The following EGFL6 variants were observed in gnomAD, a reference collection of about 807,000 sequenced individuals.
The protein encoded by EGFL6 is epidermal growth factor-like protein 6.
In EGFL6, 42 loss-of-function variants were observed where a neutral mutation model predicts 43.1. The observed-to-expected ratio is 0.98, with a 90% CI of 0.76 to 1.26. The LOEUF (loss-of-function observed/expected upper bound fraction) is 1.26, where lower values mean the gene tolerates loss of function less well. EGFL6 is among the 50% of genes most tolerant of loss of function. EGFL6 has a pLI of 0.00. For synonymous variants in EGFL6, 164 were observed against 163.2 expected (o/e 1.01, Z -0.04); for missense variants, 429 against 427.8 (o/e 1.00, Z -0.02).
chrX:13,572,868 C>T (rs7877327), intron 1 of EGFL6, among the ~76,000 whole-genome samples: 3,768 of 111,633 alleles, frequency 0.034, 167 homozygotes, highest in African/African-American at 0.12. Context: ...TTCTGAAGAC[C>T]GGAAGTCCAT....
At chrX:13,600,637 C>T (rs2146971429) in intron 4 of EGFL6, among the ~76,000 whole-genome samples, 1 of 105,773 alleles carries the variant, frequency 9.5e-6, no homozygotes, top group East Asian at 3.0e-4. Context: ...GTGGCTCACA[C>T]CTGTAATTCC....
At chrX:13,588,194 A>G (rs2045543900) in intron 1 of EGFL6, among the ~76,000 whole-genome samples, 1 of 112,612 alleles carries the variant, frequency 8.9e-6, no homozygotes, top group Non-Finnish European at 1.9e-5. Context: ...TCATCCTCCC[A>G]TTTGGTGCTC....
chrX:13,589,450 T>C, intron 1 of EGFL6, 106 bp from the exon 2 acceptor site: 1 of 663,612 alleles, frequency 1.5e-6, no homozygotes, highest in East Asian at 3.8e-5. Flanking sequence ...GCGGGTTCGT[T>C]GAAATTAACC....
At chrX:13,579,828 T>C (rs995631585) in intron 1 of EGFL6, among the ~76,000 whole-genome samples, 1 of 110,926 alleles carries the variant, frequency 9.0e-6, no homozygotes, top group African/African-American at 3.3e-5. Context: ...GACGGCGTAC[T>C]CACATGGCTG....
chrX:13,609,085 A>G (rs1429473407), intron 7 of EGFL6, among the ~76,000 whole-genome samples: 1 of 112,663 alleles, frequency 8.9e-6, no homozygotes, highest in Non-Finnish European at 1.9e-5. Context: ...TAATAACTAC[A>G]GCAACAATAA....
rs942334000 is a variant in EGFL6 at position 13,578,797 on chromosome X, G to A, written c.74+8862G>A. Among the ~76,000 whole-genome samples the A allele has an allele frequency of 1.7e-4, 18 of 107,863 alleles. 1 individual carries two copies. The highest frequency in any genetic ancestry group is 5.4e-4 in the African/African-American group (15 of 27,793). The allele number at this position is 107,863 out of a possible 115,157, so 93.7% of individuals were successfully genotyped here. A position where few individuals can be genotyped will look rare whatever the true frequency, so the allele number is the denominator to read the frequency against. ...CCTGTCGTGGGGTGGGGGCAGCGGG[G>A]AGGGATAGCATTGGTAGATATACCT... On this transcript the variant is annotated intron_variant, in intron 1 of 11. Coordinates refer to ENST00000361306, the MANE Select transcript of EGFL6 (RefSeq NM_015507.4).
chrX:13,627,386 A>T, intron 11 of EGFL6, 110 bp downstream of exon 11: 1 of 1,004,598 alleles, frequency 1.0e-6, no homozygotes, highest in East Asian at 3.1e-5. Flanking sequence ...TACAACGATA[A>T]GACTTTTTCC....
intron 8 of EGFL6, 75 bp from the exon 9 acceptor site, chrX:13,619,088 G>C: frequency 1.3e-6 from 1 of 777,446 alleles, no homozygotes; most frequent in South Asian, 2.2e-5. Context: ...TTCTTTGTTT[G>C]GTCATTTGAT....
At chrX:13,592,864 G>C (rs1019959517) in intron 2 of EGFL6, among the ~76,000 whole-genome samples, 5 of 79,966 alleles carry the variant, frequency 6.3e-5, no homozygotes, top group Admixed American at 1.5e-4. Context: ...CCTTTGTCGG[G>C]GGGGTGGGGG....
intron 7 of EGFL6, among the ~76,000 whole-genome samples, chrX:13,610,411 C>T (rs1199271331): frequency 4.5e-5 from 5 of 111,390 alleles, no homozygotes; most frequent in Non-Finnish European, 5.7e-5. Flanking sequence ...GGCTCTGAGA[C>T]GGATTCCTGC....
At chrX:13,580,447 C>A (rs943344103) in intron 1 of EGFL6, among the ~76,000 whole-genome samples, 2 of 111,868 alleles carry the variant, frequency 1.8e-5, no homozygotes, top group East Asian at 5.6e-4. Flanking sequence ...CCCTCCACTT[C>A]ACCCTTTCTC....
intron 10 of EGFL6, among the ~76,000 whole-genome samples, chrX:13,625,910 GAAAAAAAGA>G (rs1569210513): frequency 1.4e-4 from 5 of 35,586 alleles, no homozygotes; most frequent in African/African-American, 4.7e-4. Context: ...AAAAGAAAAA[GAAAAAAAGA>G]AAAGAGACAT....
At position 13,569,646 on chromosome X, in the gene EGFL6, T is replaced by A. The variant is rs55679147; in HGVS notation, c.-216T>A. On this transcript the variant is annotated 5_prime_UTR_variant, in exon 1 of 12. Coordinates refer to ENST00000361306, the MANE Select transcript of EGFL6 (RefSeq NM_015507.4). ...TCCGCAGAGGAGCCTCGGCCAGGCT[T>A]GCCAGGGCGCCCCCAGCCCCTCCCC... is the stretch of plus-strand genomic sequence containing the variant. 0.26 allele frequency: 101,731 copies of A among 392,035 alleles called. 10,638 individuals carry two copies. The highest frequency in any genetic ancestry group is 0.35 in the South Asian group (8,485 of 24,299). The allele number at this position is 392,035 out of a possible 1,213,427, so 32.3% of individuals were successfully genotyped here. A position where few individuals can be genotyped will look rare whatever the true frequency, so the allele number is the denominator to read the frequency against.
intron 3 of EGFL6, among the ~76,000 whole-genome samples, chrX:13,598,233 A>C (rs1355036394): frequency 8.9e-6 from 1 of 112,229 alleles, no homozygotes; most frequent in Non-Finnish European, 1.9e-5. Context: ...AGGTTCTATG[A>C]GGGAGATGGT....
At chrX:13,606,252 T>C (rs1569206837) in intron 5 of EGFL6, 127 bp from the exon 6 acceptor site, 1 of 665,428 alleles carries the variant, frequency 1.5e-6, no homozygotes, top group South Asian at 3.0e-5. Context: ...CCAGAGGATA[T>C]GATGTTGGCA....
chrX:13,608,254 T>C (rs765821641), intron 6 of EGFL6, 70 bp from the exon 7 acceptor site: 6 of 1,164,753 alleles, frequency 5.2e-6, no homozygotes, highest in Non-Finnish European at 6.9e-6. Flanking sequence ...CTACAGTTGA[T>C]CAAGTGTAAG....
intron 1 of EGFL6, among the ~76,000 whole-genome samples, chrX:13,578,200 T>A (rs1384071430): frequency 9.0e-6 from 1 of 111,076 alleles, no homozygotes; most frequent in Non-Finnish European, 1.9e-5. Context: ...TGCAACAGAA[T>A]ACTTCAAAAT....
At chrX:13,588,229 A>G (rs1009414760) in intron 1 of EGFL6, among the ~76,000 whole-genome samples, 3 of 112,796 alleles carry the variant, frequency 2.7e-5, no homozygotes, top group African/African-American at 9.6e-5. Flanking sequence ...GTCTCAGACC[A>G]TATCTTTATA....
At chrX:13,600,578 T>G (rs1399025958) in intron 4 of EGFL6, among the ~76,000 whole-genome samples, 2 of 107,853 alleles carry the variant, frequency 1.9e-5, no homozygotes, top group East Asian at 3.0e-4. Context: ...TGAGCCACCA[T>G]GCCCAGCTTC....
Sources: gnomAD v4.1 joint callset for allele counts (sites outside exome capture counted in the v4.1 genomes callset) on GRCh38, gnomAD v4.1.1 for gene constraint, MANE v1.5 for transcripts, NCBI Gene and HGNC (gene_info 2026-07-23, HGNC 2026-07-21) for gene names.